The following LIG1 variants were observed in gnomAD, a reference collection of about 807,000 sequenced individuals.
LIG1 encodes the protein ligase I, DNA, ATP-dependent.
Under a neutral mutation model 115.7 loss-of-function variants are expected in LIG1, and 70 were observed. The ratio of observed to expected loss-of-function variants is 0.60; its 90% CI spans 0.50 to 0.74. The LOEUF (loss-of-function observed/expected upper bound fraction) is 0.74, where lower values mean the gene tolerates loss of function less well. Among genes scored for constraint, LIG1 ranks in the 30% least tolerant of loss-of-function variants. The pLI is 0.00. For synonymous variants in LIG1, 487 were observed against 495.3 expected (o/e 0.98, Z 0.22); for missense variants, 1,115 against 1,225.6 (o/e 0.91, Z 1.35).
At chr19:48,152,435 C>G (rs549871643) in intron 6 of LIG1, among the ~76,000 whole-genome samples, 2 of 152,250 alleles carry the variant, frequency 1.3e-5, no homozygotes, top group South Asian at 2.1e-4. Flanking sequence ...GAAATCAGAT[C>G]TTAACCAAAT....
In LIG1 at chr19:48,131,058, T is replaced by G. The variant is rs777185265; in HGVS notation, c.1821+18A>C. 2 of 1,604,244 alleles carry G rather than the reference T, an allele frequency of 1.2e-6. No individual in the cohort carries two copies. Among genetic ancestry groups the G allele is most frequent in the Non-Finnish European group, 8.5e-7 (1 of 1,170,910 alleles). ...ACCACAGACCCTGGCAGAGTGCAAG[T>G]GTGTGGCAGACGCCCACCTTGGGGA... On this transcript the variant is annotated intron_variant, in intron 19 of 27. Coordinates refer to ENST00000263274, the MANE Select transcript of LIG1 (RefSeq NM_000234.3).
At chr19:48,129,465 T>TG (rs2033877456) in intron 19 of LIG1, among the ~76,000 whole-genome samples, 1 of 152,212 alleles carries the variant, frequency 6.6e-6, no homozygotes, top group Non-Finnish European at 1.5e-5. Context: ...CCTGCTCTGC[T>TG]GGGCTGTGAG....
intron 21 of LIG1, among the ~76,000 whole-genome samples, chr19:48,124,489 ATG>A (rs1456583179): frequency 2.0e-5 from 3 of 152,210 alleles, no homozygotes; most frequent in Non-Finnish European, 4.4e-5. Flanking sequence ...GCCACCAGCC[ATG>A]TGTAGCAATT....
intron 5 of LIG1, chr19:48,154,182 T>C: frequency 1.7e-6 from 1 of 584,748 alleles, no homozygotes; most frequent in Non-Finnish European, 3.1e-6. Flanking sequence ...TTCTCTGTGC[T>C]TTGCTCTCTC....
At position 48,157,039 on chromosome 19, in the gene LIG1, T is replaced by C. The variant is rs776201303; in HGVS notation, c.345A>G (p.Pro115=). The C allele has an allele frequency of 6.8e-6, 11 of 1,607,868 alleles. No individual in the cohort carries two copies. The highest frequency in any genetic ancestry group is 8.5e-6 in the Non-Finnish European group (10 of 1,176,842). Reference sequence around the variant, plus strand: ...CTGTGCGACGCTTCGGAATCCCTGATGGGGAACTGTCCATGGGAGAGGTGT... The same window carrying C: ...CTGTGCGACGCTTCGGAATCCCTGACGGGGAACTGTCCATGGGAGAGGTGT... ...LSDTSPMDSS[P]SGIPKRRTAR... is the part of the protein sequence containing the mutation. Residue 115 remains proline, a synonymous_variant, in exon 5 of 28, where the codon CCA becomes CCG. Transcript: ENST00000263274.
At chr19:48,146,313 G>T (rs2087562209) in intron 9 of LIG1, among the ~76,000 whole-genome samples, 1 of 152,210 alleles carries the variant, frequency 6.6e-6, no homozygotes, top group African/African-American at 2.4e-5. Flanking sequence ...GACCAACCTG[G>T]CCAACATGGA....
chr19:48,122,420 T>A lies in LIG1; in HGVS notation c.2232+514A>T. Reference sequence around the variant, plus strand: ...CTCTGAGCTCACCTCCCGCCTCGCCTGCCCTTGCTCCCTGCACACGCAGAG... The same window carrying A: ...CTCTGAGCTCACCTCCCGCCTCGCCAGCCCTTGCTCCCTGCACACGCAGAG... On this transcript the variant is annotated intron_variant, in intron 23 of 27. Coordinates refer to ENST00000263274, the MANE Select transcript of LIG1 (RefSeq NM_000234.3). This position sits in a 1 kb window ranked among gnomAD's most constrained non-coding sequence, Gnocchi z 4.3. 1 of 193,056 alleles carries A rather than the reference T, an allele frequency of 5.2e-6. No individual in the cohort carries two copies. The highest frequency in any genetic ancestry group is 1.1e-5 in the Non-Finnish European group (1 of 92,052). The allele number at this position is 193,056 out of a possible 1,614,324, so 12.0% of individuals were successfully genotyped here. A position where few individuals can be genotyped will look rare whatever the true frequency, so the allele number is the denominator to read the frequency against.
chr19:48,157,143 G>A lies in LIG1; in HGVS notation c.244-3C>T. 6.2e-7 allele frequency: 1 copy of A among 1,609,416 alleles called. No homozygotes were observed. The highest frequency in any genetic ancestry group is 1.1e-5 in the South Asian group (1 of 90,762). ...TGTGAGCAGTCCAGGGCAGGCTTCT[G>A]GAAGAGGAAAGAACAGTTCTAGAGT... is the stretch of plus-strand genomic sequence containing the variant. On this transcript the variant is annotated splice_polypyrimidine_tract_variant and splice_region_variant and intron_variant, in intron 4 of 27. Coordinates refer to ENST00000263274, the MANE Select transcript of LIG1 (RefSeq NM_000234.3).
Position 48,115,980 on chromosome 19 carries a change from T to C in LIG1, c.2584-15A>G, listed in dbSNP as rs2032782262. On this transcript the variant is annotated splice_polypyrimidine_tract_variant and intron_variant, in intron 26 of 27. Coordinates refer to ENST00000263274, the MANE Select transcript of LIG1 (RefSeq NM_000234.3). ...TCACTATCCACCTGCGGAAGCGGGA[T>C]GGAGACTCCTGCGGTCCAGCCCCAG... 1.2e-6 allele frequency: 2 copies of C among 1,604,220 alleles called. No individual in the cohort carries two copies. Among genetic ancestry groups the C allele is most frequent in the Non-Finnish European group, 8.5e-7 (1 of 1,172,784 alleles).
At chr19:48,119,624 C>T (rs1215960814) in intron 24 of LIG1, among the ~76,000 whole-genome samples, 2 of 150,936 alleles carry the variant, frequency 1.3e-5, no homozygotes, top group Non-Finnish European at 3.0e-5. Flanking sequence ...CTGCAACCTC[C>T]ACCTCCTGGG....
At chr19:48,157,172 CG>C in intron 4 of LIG1, 32 bp from the exon 5 acceptor site, 5 of 1,581,902 alleles carry the variant, frequency 3.2e-6, no homozygotes, top group Non-Finnish European at 4.3e-6. Flanking sequence ...CTAGAGTGAG[CG>C]GGGGAAGGAG....
intron 1 of LIG1, among the ~76,000 whole-genome samples, chr19:48,166,381 T>C (rs2036483537): frequency 6.6e-6 from 1 of 151,470 alleles, no homozygotes; most frequent in South Asian, 2.1e-4. Context: ...TGGACAAGAG[T>C]GAAACTCCAT....
Position 48,131,067 on chromosome 19 carries a change from G to C in LIG1, c.1821+9C>G, listed in dbSNP as rs771934943. The C allele has an allele frequency of 3.7e-6, 6 of 1,612,206 alleles. No individual in the cohort carries two copies. The highest frequency in any genetic ancestry group is 1.7e-5 in the Admixed American group (1 of 60,028). The stretch of plus-strand genomic sequence containing the variant: ...CCTGGCAGAGTGCAAGTGTGTGGCA[G>C]ACGCCCACCTTGGGGATGCGGCTGA... On this transcript the variant is annotated intron_variant, in intron 19 of 27. Coordinates refer to ENST00000263274, the MANE Select transcript of LIG1 (RefSeq NM_000234.3).
At chr19:48,157,228 C>T (rs1020937523) in intron 4 of LIG1, 88 bp from the exon 5 acceptor site, 2 of 1,402,522 alleles carry the variant, frequency 1.4e-6, no homozygotes, top group African/African-American at 2.9e-5. Context: ...ACTGAAACCT[C>T]TCTGTCTACC....
chr19:48,120,523 A>G, intron 24 of LIG1: 2 of 985,320 alleles, frequency 2.0e-6, no homozygotes, highest in Non-Finnish European at 2.4e-6. Flanking sequence ...GGAAATACGT[A>G]AGAAAATCTA....
At position 48,153,821 on chromosome 19, in the gene LIG1, CA is replaced by C. The variant is rs769450313; in HGVS notation, c.466+50del. 1,540 of 356,464 alleles carry C rather than the reference CA, an allele frequency of 4.3e-3. 65 individuals are homozygous for C. The highest frequency in any genetic ancestry group is 0.016 in the South Asian group (486 of 30,984). 22.1% of individuals were successfully genotyped at this position (356,464 alleles called of 1,614,324 possible). ...TCCTCCTCCTCCTTCCTCTTGGCTT[CA>C]CACACACACACACACACACACACAC... On this transcript the variant is annotated intron_variant, in intron 6 of 27. Coordinates refer to ENST00000263274, the MANE Select transcript of LIG1 (RefSeq NM_000234.3).
chr19:48,125,294 G>C (rs1413849075), intron 21 of LIG1, among the ~76,000 whole-genome samples: 3 of 152,294 alleles, frequency 2.0e-5, no homozygotes, highest in African/African-American at 7.2e-5. Context: ...AAAGTATCCA[G>C]TGTTTGGAAA....
Position 48,137,127 on chromosome 19 carries a change from G to A in LIG1, c.1255-43C>T, listed in dbSNP as rs2034443731. 1.4e-6 allele frequency: 2 copies of A among 1,474,884 alleles called. No individual in the cohort carries two copies. The highest frequency in any genetic ancestry group is 1.4e-5 in the African/African-American group (1 of 72,246). The allele number at this position is 1,474,884 out of a possible 1,614,324, so 91.4% of individuals were successfully genotyped here. A position where few individuals can be genotyped will look rare whatever the true frequency, so the allele number is the denominator to read the frequency against. On this transcript the variant is annotated intron_variant, in intron 13 of 27. Coordinates refer to ENST00000263274, the MANE Select transcript of LIG1 (RefSeq NM_000234.3). The surrounding 1 kb of genome is among the most constrained non-coding windows in gnomAD (Gnocchi z 4.3). ...GAGCCGTCAGTGCCTGGTGAAGGCA[G>A]GGACCACACCTCCACCCCACCAGCC...
At chr19:48,157,198 A>C in intron 4 of LIG1, 58 bp from the exon 5 acceptor site, 1 of 1,553,394 alleles carries the variant, frequency 6.4e-7, no homozygotes, top group Non-Finnish European at 8.7e-7. Flanking sequence ...TCCATTTTCC[A>C]AAAGTTGAGA....
Sources: allele counts gnomAD v4.1 joint callset (sites outside exome capture counted in the v4.1 genomes callset), GRCh38; gene constraint gnomAD v4.1.1; non-coding constraint Gnocchi (gnomAD v3.1); transcripts MANE v1.5; gene names NCBI Gene and HGNC (gene_info 2026-07-23, HGNC 2026-07-21).